ZDHHC14: variants seen among roughly 807,000 people sequenced by gnomAD.
ZDHHC14 encodes the protein zDHHC palmitoyltransferase 14.
ZDHHC14 carries 16 observed loss-of-function variants against 47.7 expected under a neutral mutation model. That is an observed-to-expected ratio of 0.34 (90% CI 0.23 to 0.51). The LOEUF (loss-of-function observed/expected upper bound fraction) is 0.51, where lower values mean the gene tolerates loss of function less well. ZDHHC14 is among the 20% of genes least tolerant of loss of function. The pLI, the probability that ZDHHC14 is intolerant of heterozygous loss-of-function variation, is 0.97. For synonymous variants in ZDHHC14, 293 were observed against 278.9 expected, an observed-to-expected ratio of 1.05 and a Z score of -0.50; for missense variants, 515 against 662.5, an observed-to-expected ratio of 0.78 and a Z score of 2.44.
At position 157,427,385 on chromosome 6, in the gene ZDHHC14, G is replaced by T. The variant is rs552611589; in HGVS notation, c.245+45119G>T. ...AAGTGTCTACAGAGATGCGCAGGAT[G>T]CAGGGCCCCGAGGACTGGAGGGCAT... On this transcript the variant is annotated intron_variant, in intron 1 of 8. Transcript: ENST00000359775. The surrounding 1 kb of genome is among the most constrained non-coding windows in gnomAD (Gnocchi z 4.4). Among the ~76,000 whole-genome samples the T allele has an allele frequency of 6.6e-6, 1 of 152,270 alleles. No individual in the cohort carries two copies. The highest frequency in any genetic ancestry group is 2.1e-4 in the South Asian group (1 of 4,822).
chr6:157,432,323 G>A (rs970509848), intron 1 of ZDHHC14, among the ~76,000 whole-genome samples: 1 of 152,156 alleles, frequency 6.6e-6, no homozygotes, highest in African/African-American at 2.4e-5. Flanking sequence ...CTCAACAACT[G>A]GGTTGAATGA....
intron 3 of ZDHHC14, among the ~76,000 whole-genome samples, chr6:157,611,271 A>C (rs1007320915): frequency 2.0e-5 from 3 of 152,192 alleles, no homozygotes; most frequent in Admixed American, 1.3e-4. Flanking sequence ...AAGTGCTGGG[A>C]TTACAGTCAT....
intron 1 of ZDHHC14, among the ~76,000 whole-genome samples, chr6:157,396,831 T>G (rs562837018): frequency 6.6e-6 from 1 of 152,382 alleles, no homozygotes; most frequent in East Asian, 1.9e-4. Flanking sequence ...ATATAGAAAC[T>G]GTATTTCTTC....
chr6:157,659,525 C>G (rs1778251590), intron 8 of ZDHHC14, among the ~76,000 whole-genome samples: 1 of 152,206 alleles, frequency 6.6e-6, no homozygotes, highest in South Asian at 2.1e-4. Context: ...TGTGACATTC[C>G]TCTCCTTTGA....
chr6:157,642,180 C>G (rs139850440), intron 5 of ZDHHC14, among the ~76,000 whole-genome samples: 2 of 152,178 alleles, frequency 1.3e-5, no homozygotes, highest in African/African-American at 4.8e-5. Context: ...TTCTGGAATC[C>G]GGGAATTCTG....
At chr6:157,390,702 G>C (rs1287742772) in intron 1 of ZDHHC14, among the ~76,000 whole-genome samples, 1 of 150,848 alleles carries the variant, frequency 6.6e-6, no homozygotes, top group African/African-American at 2.4e-5. Context: ...TTTTTATTTT[G>C]AACATTTCTA....
chr6:157,490,371 C>T (rs1779883151), intron 1 of ZDHHC14, among the ~76,000 whole-genome samples: 1 of 152,088 alleles, frequency 6.6e-6, no homozygotes, highest in Admixed American at 6.5e-5. Context: ...GCATGTATTC[C>T]ACATACGGAT....
intron 4 of ZDHHC14, chr6:157,629,376 A>G (rs1289971786): frequency 1.3e-5 from 2 of 152,190 alleles, no homozygotes; most frequent in South Asian, 2.1e-4. Flanking sequence ...GCAAGTCCGT[A>G]GCTTCTTTCT....
chr6:157,616,045 C>T (rs1784951539), intron 3 of ZDHHC14, among the ~76,000 whole-genome samples: 4 of 152,098 alleles, frequency 2.6e-5, no homozygotes, highest in Admixed American at 6.5e-5. Flanking sequence ...GAGAGTGGGG[C>T]GCCAGCAGCA....
At chr6:157,481,380 G>A (rs188860203) in intron 1 of ZDHHC14, among the ~76,000 whole-genome samples, 2 of 152,132 alleles carry the variant, frequency 1.3e-5, no homozygotes, top group African/African-American at 4.8e-5. Flanking sequence ...AATCATTTCC[G>A]CATGTGATGC....
intron 1 of ZDHHC14, among the ~76,000 whole-genome samples, chr6:157,523,433 A>T (rs1781032902): frequency 6.6e-6 from 1 of 152,038 alleles, no homozygotes; most frequent in African/African-American, 2.4e-5. Flanking sequence ...TTCTAATGGG[A>T]CACTGGAAGG....
At chr6:157,397,969 A>T (rs1179670728) in intron 1 of ZDHHC14, among the ~76,000 whole-genome samples, 2 of 152,064 alleles carry the variant, frequency 1.3e-5, no homozygotes, top group East Asian at 3.9e-4. Flanking sequence ...GAGAGAGAGA[A>T]TCCAGCCTGG....
At chr6:157,647,225 A>G in intron 6 of ZDHHC14, 34 bp from the exon 7 acceptor site, 1 of 1,496,578 alleles carries the variant, frequency 6.7e-7, no homozygotes, top group Non-Finnish European at 9.3e-7. Flanking sequence ...GGTGTGGAAG[A>G]TATTGCTTGT....
At chr6:157,447,311 G>A (rs1175390087) in intron 1 of ZDHHC14, among the ~76,000 whole-genome samples, 3 of 152,196 alleles carry the variant, frequency 2.0e-5, no homozygotes, top group Admixed American at 6.5e-5. Flanking sequence ...GGGGTGAGGC[G>A]TCCAAGGGTC....
chr6:157,639,780 T>C (rs975265655), intron 5 of ZDHHC14, among the ~76,000 whole-genome samples: 1 of 151,908 alleles, frequency 6.6e-6, no homozygotes, highest in South Asian at 2.1e-4. Flanking sequence ...CAAGAGTGCC[T>C]GGGGGAAAGG....
intron 2 of ZDHHC14, among the ~76,000 whole-genome samples, chr6:157,572,952 G>C (rs1783157958): frequency 1.3e-5 from 2 of 151,990 alleles, no homozygotes; most frequent in South Asian, 2.1e-4. Context: ...CTTGGGGCTA[G>C]AGGGCCTATT....
intron 3 of ZDHHC14, among the ~76,000 whole-genome samples, chr6:157,627,191 G>A (rs953990657): frequency 3.3e-5 from 5 of 152,194 alleles, no homozygotes; most frequent in African/African-American, 1.2e-4. Context: ...ACCGATTTAT[G>A]ATACATGACC....
chr6:157,552,506 G>A (rs142341739), intron 2 of ZDHHC14, among the ~76,000 whole-genome samples: 2,325 of 152,180 alleles, frequency 0.015, 62 homozygotes, highest in African/African-American at 0.053. Flanking sequence ...GAAGTGGGAG[G>A]CATTTTTATT....
At chr6:157,572,176 T>G (rs2114858820) in intron 2 of ZDHHC14, among the ~76,000 whole-genome samples, 1 of 152,224 alleles carries the variant, frequency 6.6e-6, no homozygotes, top group East Asian at 1.9e-4. Flanking sequence ...GGAACGTTCT[T>G]TGTTGGGAGG....
Sources: gnomAD v4.1 joint callset for allele counts (sites outside exome capture counted in the v4.1 genomes callset) on GRCh38, gnomAD v4.1.1 for gene constraint, Gnocchi (gnomAD v3.1) non-coding constraint, MANE v1.5 for transcripts, NCBI Gene and HGNC (gene_info 2026-07-23, HGNC 2026-07-21) for gene names.